KIAA0825: variants seen among roughly 807,000 people sequenced by gnomAD.
KIAA0825 encodes the protein KIAA0825.
A neutral mutation model predicts 147.6 loss-of-function variants in KIAA0825; 119 were observed. The observed-to-expected ratio is 0.81, with a 90% CI of 0.69 to 0.94. The LOEUF is 0.94. KIAA0825 is among the 40% of genes least tolerant of loss of function. The pLI, the probability that KIAA0825 is intolerant of heterozygous loss-of-function variation, is 0.00. For synonymous variants in KIAA0825, 470 were observed against 518.1 expected, an observed-to-expected ratio of 0.91 and a Z score of 1.26; for missense variants, 1,381 against 1,472.7, an observed-to-expected ratio of 0.94 and a Z score of 1.02.
intron 2 of KIAA0825, among the ~76,000 whole-genome samples, chr5:94,576,486 A>T (rs534744512): frequency 6.6e-6 from 1 of 152,108 alleles, no homozygotes; most frequent in Non-Finnish European, 1.5e-5. Context: ...AGATTTGAAC[A>T]AGCATGCTCA....
chr5:94,299,060 CA>C (rs1192564253), intron 20 of KIAA0825, among the ~76,000 whole-genome samples: 3 of 152,038 alleles, frequency 2.0e-5, no homozygotes, highest in Non-Finnish European at 4.4e-5. Flanking sequence ...ACCAACAAAG[CA>C]AAAGGCTTTA....
At chr5:94,577,245 A>G (rs1781223397) in intron 2 of KIAA0825, among the ~76,000 whole-genome samples, 1 of 152,222 alleles carries the variant, frequency 6.6e-6, no homozygotes, top group Non-Finnish European at 1.5e-5. Flanking sequence ...ATTTTTAAGA[A>G]AATGTAAAAA....
intron 20 of KIAA0825, among the ~76,000 whole-genome samples, chr5:94,208,450 A>G (rs1772403090): frequency 6.6e-6 from 1 of 152,224 alleles, no homozygotes; most frequent in Non-Finnish European, 1.5e-5. Context: ...GTTAGATGCT[A>G]TGAGATGTTA....
At chr5:94,213,791 T>C (rs951646646) in intron 20 of KIAA0825, among the ~76,000 whole-genome samples, 12 of 152,156 alleles carry the variant, frequency 7.9e-5, no homozygotes, top group African/African-American at 2.9e-4. Context: ...AAGATGTCAT[T>C]CCCACTGTGA....
intron 1 of KIAA0825, chr5:94,593,130 A>G: frequency 1.3e-6 from 1 of 745,954 alleles, no homozygotes; most frequent in Non-Finnish European, 2.5e-6. Flanking sequence ...TGAATGTGTT[A>G]TACATCACAC....
At chr5:94,585,889 C>T (rs948348844) in intron 1 of KIAA0825, among the ~76,000 whole-genome samples, 4 of 152,184 alleles carry the variant, frequency 2.6e-5, no homozygotes, top group African/African-American at 9.7e-5. Flanking sequence ...AAGAAACTCA[C>T]TCAAAACCAC....
intron 13 of KIAA0825, among the ~76,000 whole-genome samples, chr5:94,441,041 C>G (rs1457547370): frequency 2.6e-5 from 4 of 151,990 alleles, no homozygotes; most frequent in Non-Finnish European, 5.9e-5. Flanking sequence ...AGAATGGGAG[C>G]ATCATATGCT....
intron 20 of KIAA0825, among the ~76,000 whole-genome samples, chr5:94,367,478 A>G (rs530251085): frequency 6.6e-6 from 1 of 152,314 alleles, no homozygotes; most frequent in African/African-American, 2.4e-5. Context: ...AGCCTGGGCA[A>G]CAAGAGCGAC....
chr5:94,357,903 A>G (rs1744507650), intron 20 of KIAA0825, among the ~76,000 whole-genome samples: 1 of 151,484 alleles, frequency 6.6e-6, no homozygotes, highest in Non-Finnish European at 1.5e-5. Context: ...GCCAATCCAA[A>G]GAGTAACATT....
At chr5:94,603,484 C>A (rs1319978243) in intron 1 of KIAA0825, among the ~76,000 whole-genome samples, 1 of 152,118 alleles carries the variant, frequency 6.6e-6, no homozygotes, top group Non-Finnish European at 1.5e-5. Context: ...CTAACGTACA[C>A]AGACCAATGA....
intron 20 of KIAA0825, among the ~76,000 whole-genome samples, chr5:94,167,263 G>A (rs752833132): frequency 2.6e-5 from 4 of 152,126 alleles, no homozygotes; most frequent in Non-Finnish European, 2.9e-5. Flanking sequence ...TTTAGCATAC[G>A]TTAGCAGAAA....
intron 20 of KIAA0825, among the ~76,000 whole-genome samples, chr5:94,375,848 A>G (rs546778973): frequency 1.3e-5 from 2 of 152,178 alleles, no homozygotes; most frequent in Non-Finnish European, 2.9e-5. Context: ...TATTGAGATA[A>G]CCCTAGGATA....
chr5:94,559,184 T>C (rs929555934), intron 2 of KIAA0825, among the ~76,000 whole-genome samples: 1 of 152,204 alleles, frequency 6.6e-6, no homozygotes, highest in Non-Finnish European at 1.5e-5. Context: ...ATACCTTTAC[T>C]GAGCTTTCTT....
At chr5:94,179,968 A>T (rs1417931977) in intron 20 of KIAA0825, among the ~76,000 whole-genome samples, 2 of 152,114 alleles carry the variant, frequency 1.3e-5, no homozygotes, top group African/African-American at 4.8e-5. Flanking sequence ...TCATTAAAAC[A>T]CCACACGGTA....
chr5:94,153,930 T>C lies in KIAA0825; in HGVS notation c.*77A>G. 4.1e-6 allele frequency: 4 copies of C among 986,564 alleles called. No homozygotes were observed. In the South Asian group the frequency reaches 5.7e-5, roughly 14 times the overall value. The allele number at this position is 986,564 out of a possible 1,614,324, so 61.1% of individuals were successfully genotyped here. A position where few individuals can be genotyped will look rare whatever the true frequency, so the allele number is the denominator to read the frequency against. On this transcript the variant is annotated 3_prime_UTR_variant, in exon 21 of 21. Transcript: ENST00000682413. ...TGCTTCACAGCACATATGAGGTTCA[T>C]TCTGACTATGGTAAAAAATCCTACT...
chr5:94,392,046 G>T (rs1749969315), intron 17 of KIAA0825, among the ~76,000 whole-genome samples: 1 of 152,140 alleles, frequency 6.6e-6, no homozygotes, highest in Non-Finnish European at 1.5e-5. Flanking sequence ...GAAATAATTT[G>T]TATTTTCTCT....
intron 14 of KIAA0825, among the ~76,000 whole-genome samples, chr5:94,421,096 G>C (rs148474797): frequency 6.6e-6 from 1 of 152,128 alleles, no homozygotes; most frequent in African/African-American, 2.4e-5. Context: ...TTTTATCTGG[G>C]GTTGGCAAAT....
intron 20 of KIAA0825, among the ~76,000 whole-genome samples, chr5:94,324,174 A>G (rs1780463039): frequency 6.6e-6 from 1 of 152,040 alleles, no homozygotes; most frequent in Non-Finnish European, 1.5e-5. Context: ...AGCAATGCTT[A>G]TAAAAGAGAC....
At chr5:94,523,628 T>A (rs922914246) in intron 4 of KIAA0825, among the ~76,000 whole-genome samples, 3 of 151,562 alleles carry the variant, frequency 2.0e-5, no homozygotes, top group African/African-American at 7.2e-5. Flanking sequence ...TAGACAGCTG[T>A]GATACACATC....
Sources: allele counts gnomAD v4.1 joint callset (sites outside exome capture counted in the v4.1 genomes callset), GRCh38; gene constraint gnomAD v4.1.1; transcripts MANE v1.5; gene names NCBI Gene and HGNC (gene_info 2026-07-23, HGNC 2026-07-21).